SKIC3: variants seen among roughly 807,000 people sequenced by gnomAD.
SKIC3 encodes superkiller complex protein 3.
At chr5:95,503,038 T>C in the SKIC3 span, 1 of 1,612,688 alleles carries the variant, frequency 6.2e-7, no homozygotes, top group Non-Finnish European at 8.5e-7. Flanking sequence ...CAAAACAATA[T>C]AAAAGCCATC....
chr5:95,517,314 T>C, the SKIC3 span: 7 of 1,612,642 alleles, frequency 4.3e-6, no homozygotes, highest in Non-Finnish European at 5.9e-6. Context: ...AGCTCGATGC[T>C]GTAGAGCACT....
chr5:95,471,656 G>A, the SKIC3 span, among the ~76,000 whole-genome samples: 1 of 152,152 alleles, frequency 6.6e-6, no homozygotes, highest in African/African-American at 2.4e-5. Context: ...GCAGTAGCAG[G>A]TGGCTGGTTC....
At chr5:95,527,642 T>C in the SKIC3 span, among the ~76,000 whole-genome samples, 1 of 152,162 alleles carries the variant, frequency 6.6e-6, no homozygotes, top group Non-Finnish European at 1.5e-5. Context: ...TTCTCTACCA[T>C]GAAGCTAACA....
At chr5:95,514,931 A>G in the SKIC3 span, 20 of 1,611,438 alleles carry the variant, frequency 1.2e-5, no homozygotes, top group Non-Finnish European at 1.6e-5. Context: ...TTGCTAGGAA[A>G]AAAAGGCAAA....
At chr5:95,528,063 T>G in the SKIC3 span, 1 of 1,613,806 alleles carries the variant, frequency 6.2e-7, no homozygotes, top group African/African-American at 1.3e-5. Context: ...TCTGAGAGTT[T>G]AATCAAAGCC....
the SKIC3 span, among the ~76,000 whole-genome samples, chr5:95,544,322 GC>G: frequency 6.6e-6 from 1 of 152,184 alleles, no homozygotes; most frequent in Admixed American, 6.5e-5. Flanking sequence ...CCCAGTAGCT[GC>G]CATGACTCTA....
At chr5:95,523,411 C>G in the SKIC3 span, 1 of 1,421,326 alleles carries the variant, frequency 7.0e-7, no homozygotes, top group Non-Finnish European at 9.6e-7. Context: ...AACATATTTT[C>G]ATTTCTCACT....
the SKIC3 span, among the ~76,000 whole-genome samples, chr5:95,545,719 A>G: frequency 6.6e-6 from 1 of 152,154 alleles, no homozygotes; most frequent in African/African-American, 2.4e-5. Flanking sequence ...TTTGAAGCTC[A>G]GGCCATCCAA....
At chr5:95,503,162 TC>T in the SKIC3 span, among the ~76,000 whole-genome samples, 1 of 152,234 alleles carries the variant, frequency 6.6e-6, no homozygotes, top group Non-Finnish European at 1.5e-5. Context: ...TTTATAATAA[TC>T]TAACTTGTTT....
chr5:95,485,703 A>G, the SKIC3 span, among the ~76,000 whole-genome samples: 1 of 152,170 alleles, frequency 6.6e-6, no homozygotes, highest in African/African-American at 2.4e-5. Flanking sequence ...TTCCTTAAAT[A>G]TTTGGTAAAA....
the SKIC3 span, among the ~76,000 whole-genome samples, chr5:95,548,922 G>T: frequency 3.3e-5 from 5 of 151,920 alleles, no homozygotes; most frequent in Non-Finnish European, 5.9e-5. Context: ...CATTCATGAG[G>T]GTATGTATAC....
the SKIC3 span, among the ~76,000 whole-genome samples, chr5:95,470,554 C>A: frequency 1.3e-5 from 2 of 152,196 alleles, no homozygotes; most frequent in Admixed American, 1.3e-4. Flanking sequence ...ATAATTGATT[C>A]TTTAACTGGT....
chr5:95,482,568 G>T, the SKIC3 span: 1 of 1,614,004 alleles, frequency 6.2e-7, no homozygotes, highest in Admixed American at 1.7e-5. Flanking sequence ...TCCAGGAGTG[G>T]TTTACACTGA....
At chr5:95,496,307 C>T in the SKIC3 span, among the ~76,000 whole-genome samples, 1 of 152,120 alleles carries the variant, frequency 6.6e-6, no homozygotes, top group African/African-American at 2.4e-5. Context: ...CATGAGCCAC[C>T]GTGCCTGGCC....
At chr5:95,483,696 C>A in the SKIC3 span, among the ~76,000 whole-genome samples, 7 of 152,162 alleles carry the variant, frequency 4.6e-5, no homozygotes, top group Non-Finnish European at 7.4e-5. Flanking sequence ...GGAAAAGTCA[C>A]GTTCAAAACT....
the SKIC3 span, chr5:95,523,394 G>T: frequency 1.4e-6 from 2 of 1,480,720 alleles, no homozygotes; most frequent in Non-Finnish European, 1.8e-6. Context: ...CTCATGTAAA[G>T]TACACAAACA....
chr5:95,491,796 T>A, the SKIC3 span, among the ~76,000 whole-genome samples: 2 of 152,224 alleles, frequency 1.3e-5, no homozygotes, highest in African/African-American at 4.8e-5. Flanking sequence ...ATAAAGCTTA[T>A]TTTGCTGTTT....
the SKIC3 span, chr5:95,464,813 A>G: frequency 1.4e-6 from 1 of 697,512 alleles, no homozygotes; most frequent in Non-Finnish European, 2.6e-6. Context: ...AGGAAAAGTG[A>G]CTCTGTGCAA....
At chr5:95,475,778 C>T in the SKIC3 span, among the ~76,000 whole-genome samples, 3 of 152,168 alleles carry the variant, frequency 2.0e-5, no homozygotes, top group East Asian at 3.9e-4. Flanking sequence ...CAGGCGTATA[C>T]ATTAGCAAGA....
Sources: gnomAD v4.1 joint callset for allele counts (sites outside exome capture counted in the v4.1 genomes callset) on GRCh38, gnomAD v4.1.1 for gene constraint, MANE v1.5 for transcripts, NCBI Gene and HGNC (gene_info 2026-07-23, HGNC 2026-07-21) for gene names.